The following TNS4 variants were observed in gnomAD, a reference collection of about 807,000 sequenced individuals.
TNS4 encodes tensin 4, also known as tensin-4.
Under a neutral mutation model 70.4 loss-of-function variants are expected in TNS4, and 46 were observed. The ratio of observed to expected loss-of-function variants is 0.65; its 90% CI spans 0.52 to 0.84. The LOEUF is 0.84. Ranked by LOEUF, TNS4 falls within the 40% of genes least tolerant of loss-of-function variation. The pLI is 0.00. For missense variants in TNS4, 863 were observed against 907.0 expected (o/e 0.95, Z 0.62); for synonymous variants, 390 against 366.6 (o/e 1.06, Z -0.73).
chr17:40,493,093 G>A (rs1567813829), intron 2 of TNS4, among the ~76,000 whole-genome samples: 1 of 152,046 alleles, frequency 6.6e-6, no homozygotes, highest in Non-Finnish European at 1.5e-5. Flanking sequence ...CTTGAGCCCA[G>A]GCATTCAAGG....
rs775934417 is a variant in TNS4 at position 40,496,073 on chromosome 17, A to T, written c.353T>A (p.Leu118Gln). The T allele has an allele frequency of 1.2e-6, 2 of 1,613,288 alleles. No individual in the cohort carries two copies. Among genetic ancestry groups the T allele is most frequent in the African/African-American group, 1.3e-5 (1 of 74,992 alleles). ...GGAGCCCCCAGTCCCTGGGGGAAGCAGCTGGAAGGTGGGGTCCAGTTCCAG... is the reference window on the plus strand; with the variant it reads ...GGAGCCCCCAGTCCCTGGGGGAAGCTGCTGGAAGGTGGGGTCCAGTTCCAG... ...MILELDPTFQ[L>Q]LPPGTGGSQA... Residue 118 changes from leucine (L) to glutamine (Q), a missense_variant, in exon 2 of 13, where the codon CTG becomes CAG. Coordinates refer to ENST00000254051, the MANE Select transcript of TNS4 (RefSeq NM_032865.6).
Position 40,484,493 on chromosome 17 carries a change from T to C in TNS4, c.1492A>G (p.Ser498Gly). 1 of 1,610,932 alleles carries C rather than the reference T, an allele frequency of 6.2e-7. No homozygotes were observed. Residue 498 changes from serine (S) to glycine (G), a missense_variant, in exon 6 of 13, where the codon AGT (serine) becomes GGT (glycine). By Grantham distance (56) the Ser-to-Gly change is moderately conservative. Coordinates refer to ENST00000254051, the MANE Select transcript of TNS4 (RefSeq NM_032865.6). ...KVQEVPASAQ[S>G]RPGEDSNDLI... ...AGAGACAGACGCATACCTGGTCGAC[T>C]CTGAGCAGACGCGGGAACCTCCTGC...
At chr17:40,486,263 C>G (rs1171250681) in intron 4 of TNS4, among the ~76,000 whole-genome samples, 1 of 152,166 alleles carries the variant, frequency 6.6e-6, no homozygotes, top group Admixed American at 6.5e-5. Context: ...TCTATTACCC[C>G]ATCCACCCCC....
chr17:40,496,064 G>A lies in TNS4; in HGVS notation c.362C>T (p.Pro121Leu), dbSNP rs1567814854. The A allele has an allele frequency of 6.2e-7, 1 of 1,613,248 alleles. No individual in the cohort carries two copies. The highest frequency in any genetic ancestry group is 8.5e-7 in the Non-Finnish European group (1 of 1,179,740). ...CTCAGCCTGGGAGCCCCCAGTCCCT[G>A]GGGGAAGCAGCTGGAAGGTGGGGTC... ...ELDPTFQLLP[P>L]GTGGSQAELA... The change falls in exon 2 of 13, where the codon CCA becomes CTA. Residue 121 changes from proline (P) to leucine (L), a missense_variant. Coordinates refer to ENST00000254051, the MANE Select transcript of TNS4 (RefSeq NM_032865.6).
At chr17:40,498,562 G>T (rs1185114152) in intron 1 of TNS4, among the ~76,000 whole-genome samples, 2 of 151,428 alleles carry the variant, frequency 1.3e-5, no homozygotes, top group East Asian at 1.9e-4. Flanking sequence ...CAGTCCTCTT[G>T]TTTTTTTTTC....
chr17:40,477,677 G>A lies in TNS4; in HGVS notation c.2059C>T (p.His687Tyr), dbSNP rs2035865865. 15 of 1,614,136 alleles carry A rather than the reference G, an allele frequency of 9.3e-6. No homozygotes were observed. Among genetic ancestry groups the A allele is most frequent in the Non-Finnish European group, 1.3e-5 (15 of 1,180,020 alleles). ...ACCATGTCATACTCCGCAAAGAGGTGGCATACGTTCTCCTGAGGCTCTGTC... is the reference window on the plus strand; with the variant it reads ...ACCATGTCATACTCCGCAAAGAGGTAGCATACGTTCTCCTGAGGCTCTGTC... ...SQTEPQENVC[H>Y]LFAEYDMVQP... The change falls in exon 13 of 13, where the codon CAC becomes TAC. Residue 687 changes from histidine to tyrosine, a missense_variant. By Grantham distance (83) the His-to-Tyr change is moderately conservative. Transcript: ENST00000254051.
intron 6 of TNS4, among the ~76,000 whole-genome samples, chr17:40,483,436 AG>A (rs2035951709): frequency 6.6e-6 from 1 of 152,150 alleles, no homozygotes; most frequent in Non-Finnish European, 1.5e-5. Flanking sequence ...CCTGGGCTCA[AG>A]TGATCCTCCT....
In TNS4 at chr17:40,477,514, C is replaced by T; in HGVS notation, c.*74G>A. On this transcript the variant is annotated 3_prime_UTR_variant, in exon 13 of 13. Coordinates refer to ENST00000254051, the MANE Select transcript of TNS4 (RefSeq NM_032865.6). ...CTGTCAATATGGCCACAAGCCACAC[C>T]CATTCAGGGGGTGGAGGGGGGCTCC... 6.3e-7 allele frequency: 1 copy of T among 1,584,622 alleles called. No homozygotes were observed.
intron 9 of TNS4, 73 bp downstream of exon 9, chr17:40,480,627 C>A (rs763747017): frequency 8.0e-6 from 11 of 1,370,726 alleles, no homozygotes; most frequent in Non-Finnish European, 1.1e-5. Context: ...TGCATGCGTG[C>A]GTGTGTGCAG....
rs145572558 is a variant in TNS4 at position 40,485,002 on chromosome 17, C to A, written c.1294G>T (p.Ala432Ser). 1.9e-6 allele frequency: 3 copies of A among 1,614,044 alleles called. No individual in the cohort carries two copies. The highest frequency in any genetic ancestry group is 1.7e-5 in the Admixed American group (1 of 60,024). The change falls in exon 5 of 13, where the codon GCC becomes TCC. Residue 432 changes from alanine to serine, a missense_variant. Ala to Ser is a moderately conservative substitution (Grantham distance 99). Transcript: ENST00000254051. ...TTCATGGTGGGCTGCATGTCCCTGG[C>A]GGGACCTGGAGACAGACAGAGAAGG... is the stretch of plus-strand genomic sequence containing the variant. The part of the protein sequence containing the change: ...APFTTCPEGP[A>S]RDMQPTMKFV...
chr17:40,501,447 C>CAAAAA (rs34765150), intron 1 of TNS4, 87 bp downstream of exon 1: 89,823 of 110,342 alleles, frequency 0.81, 37,997 homozygotes, highest in East Asian at 0.95. Context: ...GACTCCATCT[C>CAAAAA]AAAAAAAAAA....
Position 40,488,670 on chromosome 17 carries a change from C to A in TNS4, c.739G>T (p.Gly247Cys), listed in dbSNP as rs2036024434. The change falls in exon 3 of 13, where the codon GGC becomes TGC. Residue 247 changes from glycine (G) to cysteine (C), a missense_variant. Transcript: ENST00000254051. ...CTTGGAGAAGCCACCAGCGGGGAGC[C>A]CAAACCATGGGGGCTCGAGGCCTTG... ...GSKASSPHGL[G>C]SPLVASPRLE... The A allele has an allele frequency of 8.9e-6, 14 of 1,570,256 alleles. No homozygotes were observed. Among genetic ancestry groups the A allele is most frequent in the Non-Finnish European group, 1.2e-5 (14 of 1,157,640 alleles).
Position 40,478,817 on chromosome 17 carries a change from C to T in TNS4, c.1911-169G>A, listed in dbSNP as rs531888849. On this transcript the variant is annotated intron_variant, in intron 10 of 12. Transcript: ENST00000254051. ...TTCCCACTGGGGGGCCCTGGCGCCC[C>T]GCTCCTGCCTCTCTCCTCTCATGGG... Among the ~76,000 whole-genome samples the T allele has an allele frequency of 3.9e-5, 6 of 152,286 alleles. No individual in the cohort carries two copies. In the South Asian group the frequency reaches 6.2e-4, roughly 16 times the overall value.
intron 4 of TNS4, among the ~76,000 whole-genome samples, chr17:40,486,320 C>A (rs1379104766): frequency 6.6e-6 from 1 of 152,092 alleles, no homozygotes; most frequent in African/African-American, 2.4e-5. Context: ...ACTGACTCGC[C>A]CTCTTGCTCT....
intron 1 of TNS4, 101 bp from the exon 2 acceptor site, chr17:40,496,621 T>G (rs2036149203): frequency 1.7e-6 from 1 of 599,006 alleles, no homozygotes. Flanking sequence ...TTTAAAAGCA[T>G]GGATGCTGGA....
At chr17:40,481,884 C>A (rs58801124) in intron 8 of TNS4, among the ~76,000 whole-genome samples, 1 of 152,200 alleles carries the variant, frequency 6.6e-6, no homozygotes, top group Non-Finnish European at 1.5e-5. Context: ...GAGCCTTGCC[C>A]GGGCTATCTC....
At chr17:40,486,956 A>G in intron 4 of TNS4, 80 bp downstream of exon 4, 6 of 1,536,926 alleles carry the variant, frequency 3.9e-6, no homozygotes, top group Non-Finnish European at 5.3e-6. Context: ...AAATGTGTTG[A>G]CTGGCTGTTG....
Position 40,496,371 on chromosome 17 carries a change from C to T in TNS4, c.55G>A (p.Ala19Thr), listed in dbSNP as rs766227354. Reference protein sequence around the residue: ...LLAGGHAVSLAPCDEPRRTLH... With the variant: ...LLAGGHAVSLTPCDEPRRTLH... Reference sequence around the variant, plus strand: ...GTCCTCCTGGGCTCATCACAAGGCGCCAAGCTGACAGCATGGCCTCCTGCC... The same window carrying T: ...GTCCTCCTGGGCTCATCACAAGGCGTCAAGCTGACAGCATGGCCTCCTGCC... Residue 19 changes from alanine (A) to threonine (T), a missense_variant, in exon 2 of 13, where the codon GCG becomes ACG. Transcript: ENST00000254051. 5.6e-6 allele frequency: 9 copies of T among 1,613,256 alleles called. No homozygotes were observed. The highest frequency in any genetic ancestry group is 1.7e-5 in the Admixed American group (1 of 60,002).
chr17:40,478,345 G>C lies in TNS4; in HGVS notation c.1980-12C>G, dbSNP rs1597686404. 1.9e-6 allele frequency: 3 copies of C among 1,609,624 alleles called. No homozygotes were observed. The highest frequency in any genetic ancestry group is 3.4e-5 in the Admixed American group (2 of 58,316). ...AGTACTTCTGCCACCTGTAGGAAAA[G>C]AACATGATACCGAGTAATGAGGCTT... is the stretch of plus-strand genomic sequence containing the variant. On this transcript the variant is annotated splice_polypyrimidine_tract_variant and intron_variant, in intron 11 of 12. Coordinates refer to ENST00000254051, the MANE Select transcript of TNS4 (RefSeq NM_032865.6).
Sources: allele counts gnomAD v4.1 joint callset (sites outside exome capture counted in the v4.1 genomes callset), GRCh38; gene constraint gnomAD v4.1.1; transcripts MANE v1.5; gene names NCBI Gene and HGNC (gene_info 2026-07-23, HGNC 2026-07-21).